Variants in PDE9A observed in about 807,000 individuals in gnomAD.
PDE9A encodes the protein high affinity cGMP-specific 3',5'-cyclic phosphodiesterase 9A.
PDE9A carries 60 observed loss-of-function variants against 87.4 expected under a neutral mutation model. That is an observed-to-expected ratio of 0.69 (90% CI 0.56 to 0.85). The LOEUF is 0.85. PDE9A is among the 40% of genes least tolerant of loss of function. The pLI is 0.00. For synonymous variants in PDE9A, 272 were observed against 279.4 expected, an observed-to-expected ratio of 0.97 and a Z score of 0.27; for missense variants, 665 against 779.0, an observed-to-expected ratio of 0.85 and a Z score of 1.74.
intron 4 of PDE9A, among the ~76,000 whole-genome samples, chr21:42,717,926 G>A (rs1177115202): frequency 7.3e-6 from 1 of 136,902 alleles, no homozygotes; most frequent in African/African-American, 2.8e-5. Context: ...TGTTTGTTTT[G>A]TTTTGTTTTT....
intron 19 of PDE9A, among the ~76,000 whole-genome samples, chr21:42,773,947 CAA>C (rs1034623225): frequency 5.3e-5 from 8 of 151,212 alleles, no homozygotes; most frequent in Middle Eastern, 3.4e-3. Flanking sequence ...ACTAAAAATA[CAA>C]AAAAAATTAG....
intron 3 of PDE9A, chr21:42,697,411 C>G (rs1418695477): frequency 1.2e-6 from 2 of 1,602,806 alleles, no homozygotes; most frequent in Non-Finnish European, 8.5e-7. Flanking sequence ...GTTTCTTCTT[C>G]CAGGAATGAG....
intron 4 of PDE9A, among the ~76,000 whole-genome samples, chr21:42,713,888 C>CT (rs59595917): frequency 6.9e-6 from 1 of 144,488 alleles, no homozygotes; most frequent in African/African-American, 2.6e-5. Flanking sequence ...TTTGTTAAAA[C>CT]TTTTTTTTTA....
intron 1 of PDE9A, among the ~76,000 whole-genome samples, chr21:42,674,518 C>G (rs927362797): frequency 3.3e-5 from 5 of 152,024 alleles, no homozygotes; most frequent in Admixed American, 2.0e-4. Context: ...CCCTCCAGCC[C>G]CTGGCCTTTG....
intron 1 of PDE9A, 105 bp downstream of exon 1, chr21:42,653,988 G>A: frequency 1.7e-6 from 1 of 603,790 alleles, no homozygotes; most frequent in East Asian, 3.7e-5. Context: ...TCCAGGCTGC[G>A]GCCTCCGTGC....
At position 42,760,590 on chromosome 21, in the gene PDE9A, C is replaced by T. The variant is rs542521159; in HGVS notation, c.1002+158C>T. Among the ~76,000 whole-genome samples, 1 of 152,092 alleles carries T rather than the reference C, an allele frequency of 6.6e-6. No homozygotes were observed. The highest frequency in any genetic ancestry group is 2.4e-5 in the African/African-American group (1 of 41,494). On this transcript the variant is annotated intron_variant, in intron 12 of 19. Coordinates refer to ENST00000291539, the MANE Select transcript of PDE9A (RefSeq NM_002606.3). This position sits in a 1 kb window ranked among gnomAD's most constrained non-coding sequence, Gnocchi z 5.2. ...GGGACGCACCCCTGCCCACCGTTGT[C>T]AGTCACCCCATGGGCGAGGCTGCTC...
chr21:42,722,719 A>AGTATTC lies in PDE9A; in HGVS notation c.263-9050_263-9045dup, dbSNP rs1273280195. On this transcript the variant is annotated intron_variant, in intron 4 of 19. Transcript: ENST00000291539. The surrounding 1 kb of genome is among the most constrained non-coding windows in gnomAD (Gnocchi z 4.1). ...GGACGGAAGAACTGCTGTTGCTGCT[A>AGTATTC]GTATTCTCTTCAGCACAAGATAAAA... 2.0e-5 allele frequency among the ~76,000 whole-genome samples: 3 copies of AGTATTC among 152,218 alleles called. No homozygotes were observed. The highest frequency in any genetic ancestry group is 2.9e-5 in the Non-Finnish European group (2 of 68,018).
chr21:42,768,887 C>T lies in PDE9A; in HGVS notation c.1462-140C>T, dbSNP rs1270908951. ...GCACTGAAGATAGGGTCACCTTCTC[C>T]TTGTTCTTACTGAGACACATTTGTG... is the stretch of plus-strand genomic sequence containing the variant. On this transcript the variant is annotated intron_variant, in intron 16 of 19. Transcript: ENST00000291539. 1.0e-5 allele frequency: 15 copies of T among 1,480,628 alleles called. No homozygotes were observed. The East Asian group carries it at 2.6e-4, about 26-fold the overall frequency. The allele number at this position is 1,480,628 out of a possible 1,614,324, so 91.7% of individuals were successfully genotyped here.
At chr21:42,671,519 T>A (rs891321805) in intron 1 of PDE9A, among the ~76,000 whole-genome samples, 26 of 152,218 alleles carry the variant, frequency 1.7e-4, no homozygotes, top group African/African-American at 5.3e-4. Flanking sequence ...ACTTTACTGT[T>A]AAGTATTCTA....
intron 7 of PDE9A, among the ~76,000 whole-genome samples, chr21:42,737,738 G>A (rs988935359): frequency 1.3e-5 from 2 of 152,352 alleles, no homozygotes; most frequent in African/African-American, 2.4e-5. Context: ...GATTACAGGC[G>A]TGAGCCATTG....
Position 42,670,307 on chromosome 21 carries a change from T to G in PDE9A, c.70-15885T>G, listed in dbSNP as rs528553188. Among the ~76,000 whole-genome samples, 12 of 130,340 alleles carry G rather than the reference T, an allele frequency of 9.2e-5. 1 individual carries two copies. In the East Asian group the frequency reaches 2.4e-3, roughly 26 times the overall value. The allele number at this position is 130,340 out of a possible 152,430, so 85.5% of individuals were successfully genotyped here. On this transcript the variant is annotated intron_variant, in intron 1 of 19. Coordinates refer to ENST00000291539, the MANE Select transcript of PDE9A (RefSeq NM_002606.3). ...CACATACACATTCACACACATACAC[T>G]TAGACACCACACTCACATTCACACA...
chr21:42,670,495 C>T (rs1051596930), intron 1 of PDE9A, among the ~76,000 whole-genome samples: 7 of 151,272 alleles, frequency 4.6e-5, no homozygotes, highest in African/African-American at 1.5e-4. Context: ...CACTTACACA[C>T]GCACTCACAC....
rs1320793966 is a variant in PDE9A, at chr21:42,662,769, G to GACACACACCACACACACACACCAAGCAC, written c.69+8904_69+8931dup. On this transcript the variant is annotated intron_variant, in intron 1 of 19. Transcript: ENST00000291539. ...CACAAGAACGCACACCACACACAAGGACACACACCACACACACACACCAAG... is the reference window on the plus strand; with the variant it reads ...CACAAGAACGCACACCACACACAAGGACACACACCACACACACACACCAAGCACACACACACCACACACACACACCAAG... 4.0e-4 allele frequency among the ~76,000 whole-genome samples: 33 copies of GACACACACCACACACACACACCAAGCAC among 82,432 alleles called. 1 individual carries two copies. The highest frequency in any genetic ancestry group is 2.5e-3 in the Admixed American group (17 of 6,684). 54.1% of individuals were successfully genotyped at this position (82,432 alleles called of 152,430 possible).
At chr21:42,654,246 C>T (rs1165727143) in intron 1 of PDE9A, among the ~76,000 whole-genome samples, 2 of 152,176 alleles carry the variant, frequency 1.3e-5, no homozygotes, top group Non-Finnish European at 2.9e-5. Flanking sequence ...AGGGGGCGAG[C>T]AGCCGCCGCT....
chr21:42,680,127 G>T (rs1285308067), intron 1 of PDE9A, among the ~76,000 whole-genome samples: 2 of 152,226 alleles, frequency 1.3e-5, no homozygotes, highest in East Asian at 3.9e-4. Flanking sequence ...CGGGCTCAGG[G>T]CCCCTGCCTG....
At position 42,692,570 on chromosome 21, in the gene PDE9A, G is replaced by A. The variant is rs992753807; in HGVS notation, c.218+4576G>A. Among the ~76,000 whole-genome samples the A allele has an allele frequency of 6.6e-6, 1 of 152,152 alleles. No homozygotes were observed. The highest frequency in any genetic ancestry group is 1.5e-5 in the Non-Finnish European group (1 of 68,010). The stretch of plus-strand genomic sequence containing the variant: ...GAGCACAGAGCTCCCCTCAGTCTCT[G>A]GTTTGTGACGGAGGTGGGCCCCGAG... On this transcript the variant is annotated intron_variant, in intron 3 of 19. Transcript: ENST00000291539. The surrounding 1 kb of genome is among the most constrained non-coding windows in gnomAD (Gnocchi z 4.3).
At chr21:42,751,052 G>A (rs570530050) in intron 8 of PDE9A, 64 bp from the exon 9 acceptor site, 1 of 1,073,944 alleles carries the variant, frequency 9.3e-7, no homozygotes, top group Non-Finnish European at 1.5e-6. Flanking sequence ...TGCTTTTGCT[G>A]TGCTGAGGGC....
chr21:42,656,156 TCTC>T (rs950996892), intron 1 of PDE9A, among the ~76,000 whole-genome samples: 2 of 152,124 alleles, frequency 1.3e-5, no homozygotes, highest in African/African-American at 4.8e-5. Flanking sequence ...ATCCGCCCCA[TCTC>T]CTCTCCATCA....
chr21:42,683,326 G>A (rs981903484), intron 1 of PDE9A, among the ~76,000 whole-genome samples: 4 of 152,184 alleles, frequency 2.6e-5, no homozygotes, highest in African/African-American at 4.8e-5. Flanking sequence ...GTCAGTCATC[G>A]GAGGTGCTTA....
Sources: allele counts gnomAD v4.1 joint callset (sites outside exome capture counted in the v4.1 genomes callset), GRCh38; gene constraint gnomAD v4.1.1; non-coding constraint Gnocchi (gnomAD v3.1); transcripts MANE v1.5; gene names NCBI Gene and HGNC (gene_info 2026-07-23, HGNC 2026-07-21).